Variants in SCHIP1 observed in about 807,000 individuals in gnomAD.
SCHIP1 encodes the protein schwannomin-interacting protein 1.
Under a neutral mutation model 29.7 loss-of-function variants are expected in SCHIP1, and 8 were observed. The observed-to-expected ratio is 0.27, with a 90% CI of 0.16 to 0.49. The LOEUF (loss-of-function observed/expected upper bound fraction) is 0.49, where lower values mean the gene tolerates loss of function less well. SCHIP1 is among the 20% of genes least tolerant of loss of function. The pLI, the probability that SCHIP1 is intolerant of heterozygous loss-of-function variation, is 0.99. For missense variants in SCHIP1, 193 were observed against 294.6 expected (o/e 0.66, Z 2.52); for synonymous variants, 76 against 94.9 (o/e 0.80, Z 1.16).
chr3:159,592,402 C>A, the SCHIP1 span, among the ~76,000 whole-genome samples: 1 of 151,642 alleles, frequency 6.6e-6, no homozygotes, highest in African/African-American at 2.4e-5. Context: ...GATAAGCCTT[C>A]CAAACTTCTT....
chr3:159,686,123 A>G, the SCHIP1 span, among the ~76,000 whole-genome samples: 1 of 152,218 alleles, frequency 6.6e-6, no homozygotes, highest in African/African-American at 2.4e-5. Flanking sequence ...AAAAGGCTAC[A>G]CCAGAGGTAA....
chr3:159,802,124 CT>C, the SCHIP1 span, among the ~76,000 whole-genome samples: 1 of 152,102 alleles, frequency 6.6e-6, no homozygotes, highest in Non-Finnish European at 1.5e-5. Context: ...CAAAGAGGGC[CT>C]TTTGTTATTG....
At chr3:159,311,702 T>G in the SCHIP1 span, among the ~76,000 whole-genome samples, 1 of 152,166 alleles carries the variant, frequency 6.6e-6, no homozygotes, top group Non-Finnish European at 1.5e-5. Flanking sequence ...AATCATATTG[T>G]GCAATGCACT....
chr3:159,717,528 TA>T, the SCHIP1 span, among the ~76,000 whole-genome samples: 3 of 151,864 alleles, frequency 2.0e-5, no homozygotes, highest in East Asian at 1.9e-4. Flanking sequence ...ATAGGCACAA[TA>T]AAAAATGATA....
the SCHIP1 span, among the ~76,000 whole-genome samples, chr3:159,332,442 T>C: frequency 6.6e-6 from 1 of 152,206 alleles, no homozygotes; most frequent in Non-Finnish European, 1.5e-5. Flanking sequence ...ATCATGTTAA[T>C]TTTTACATTG....
the SCHIP1 span, among the ~76,000 whole-genome samples, chr3:159,665,369 T>C: frequency 1.3e-4 from 20 of 152,246 alleles, no homozygotes; most frequent in African/African-American, 4.6e-4. Context: ...CCCAGCAAGA[T>C]TGTTGAGGCC....
chr3:159,719,590 T>TTC, the SCHIP1 span, among the ~76,000 whole-genome samples: 1 of 152,216 alleles, frequency 6.6e-6, no homozygotes, highest in African/African-American at 2.4e-5. Flanking sequence ...GAACAGACAT[T>TTC]TCTCAAAAGA....
chr3:159,327,508 G>T, the SCHIP1 span, among the ~76,000 whole-genome samples: 1 of 152,124 alleles, frequency 6.6e-6, no homozygotes, highest in Non-Finnish European at 1.5e-5. Context: ...GAGTTAGCAG[G>T]GTTTCTTTAA....
At chr3:159,654,849 A>G in the SCHIP1 span, among the ~76,000 whole-genome samples, 31 of 151,708 alleles carry the variant, frequency 2.0e-4, no homozygotes, top group East Asian at 5.2e-3. Context: ...TGCGAAGACA[A>G]TCTGTACACA....
chr3:159,423,642 C>T, the SCHIP1 span, among the ~76,000 whole-genome samples: 1 of 126,744 alleles, frequency 7.9e-6, no homozygotes, highest in African/African-American at 2.7e-5. Context: ...CACAGACAAA[C>T]AAAAAGACAG....
the SCHIP1 span, among the ~76,000 whole-genome samples, chr3:159,350,722 A>T: frequency 6.6e-6 from 1 of 152,196 alleles, no homozygotes; most frequent in Non-Finnish European, 1.5e-5. Flanking sequence ...AAATTAAGGT[A>T]TCCATCATCT....
At chr3:159,538,258 A>C in the SCHIP1 span, among the ~76,000 whole-genome samples, 1 of 152,120 alleles carries the variant, frequency 6.6e-6, no homozygotes, top group African/African-American at 2.4e-5. Context: ...TAAAAAAACA[A>C]CTGCCATAAT....
At chr3:159,427,572 A>G in the SCHIP1 span, among the ~76,000 whole-genome samples, 1 of 152,196 alleles carries the variant, frequency 6.6e-6, no homozygotes, top group Non-Finnish European at 1.5e-5. Context: ...AGAACATTCC[A>G]TGCTCATGGG....
chr3:159,691,958 C>A, the SCHIP1 span, among the ~76,000 whole-genome samples: 12 of 151,406 alleles, frequency 7.9e-5, no homozygotes, highest in East Asian at 2.3e-3. Flanking sequence ...AGGGTTTCTG[C>A]AGAGAGATCT....
At chr3:159,859,192 A>G (rs2109187485) in intron 1 of SCHIP1, among the ~76,000 whole-genome samples, 1 of 152,370 alleles carries the variant, frequency 6.6e-6, no homozygotes, top group African/African-American at 2.4e-5. Flanking sequence ...TCAACAGCAT[A>G]CAATTTCTTT....
the SCHIP1 span, among the ~76,000 whole-genome samples, chr3:159,325,027 T>C: frequency 6.6e-6 from 1 of 152,174 alleles, no homozygotes; most frequent in Non-Finnish European, 1.5e-5. Context: ...TGTTTATAAC[T>C]GAGACCAAAT....
the SCHIP1 span, among the ~76,000 whole-genome samples, chr3:159,661,362 A>G: frequency 6.6e-6 from 1 of 152,138 alleles, no homozygotes; most frequent in East Asian, 1.9e-4. Flanking sequence ...TTCCTGCCCA[A>G]TCATAGCTAT....
the SCHIP1 span, among the ~76,000 whole-genome samples, chr3:159,324,973 G>T: frequency 6.6e-6 from 1 of 152,060 alleles, no homozygotes; most frequent in African/African-American, 2.4e-5. Flanking sequence ...GTATGTATTT[G>T]CATTTGGAAA....
chr3:159,316,040 C>T, the SCHIP1 span, among the ~76,000 whole-genome samples: 1 of 152,096 alleles, frequency 6.6e-6, no homozygotes, highest in African/African-American at 2.4e-5. Context: ...GACCGTGAGA[C>T]TAAGTCTGAG....
Sources: allele counts gnomAD v4.1 joint callset (sites outside exome capture counted in the v4.1 genomes callset), GRCh38; gene constraint gnomAD v4.1.1; transcripts MANE v1.5; gene names NCBI Gene and HGNC (gene_info 2026-07-23, HGNC 2026-07-21).